The following TMEM132C variants were observed in gnomAD, a reference collection of about 807,000 sequenced individuals.
TMEM132C encodes the protein protein phosphatase 1, regulatory subunit 152.
In TMEM132C, 29 loss-of-function variants were observed where a neutral mutation model predicts 61.4. That is an observed-to-expected ratio of 0.47 (90% CI 0.35 to 0.64). TMEM132C has a LOEUF of 0.64. Among genes scored for constraint, TMEM132C ranks in the 30% least tolerant of loss-of-function variants. TMEM132C has a pLI of 0.00. For missense variants in TMEM132C, 1,408 were observed against 1,476.9 expected (o/e 0.95, Z 0.76); for synonymous variants, 656 against 633.1 (o/e 1.04, Z -0.54).
In TMEM132C at chr12:128,590,487, A is replaced by G. The variant is rs561051497; in HGVS notation, c.1122-25665A>G. On this transcript the variant is annotated intron_variant, in intron 3 of 8. Transcript: ENST00000435159. ...GCAAACTGTGGCGTAACGTAGCTGC[A>G]CAGTCAGAGCCAAGGCTGTGTGAGT... 5.9e-5 allele frequency among the ~76,000 whole-genome samples: 9 copies of G among 152,352 alleles called. No individual in the cohort carries two copies. The South Asian group carries it at 1.7e-3, about 28-fold the overall frequency.
Position 128,705,367 on chromosome 12 carries a change from G to A in TMEM132C, c.2399G>A (p.Gly800Glu). Residue 800 changes from glycine to glutamate, a missense_variant, in exon 9 of 9, where the codon GGA becomes GAA. Physicochemically the swap from Gly to Glu is moderately conservative, Grantham distance 98. Transcript: ENST00000435159. ...GTCGGCAACGTCAGGGTCAAGTTCG[G>A]ACAGAACGATGCTGACTCCAGCCCC... ...VGVGNVRVKF[G>E]QNDADSSPGG... 6.4e-7 allele frequency: 1 copy of A among 1,551,444 alleles called. No individual in the cohort carries two copies. The highest frequency in any genetic ancestry group is 8.7e-7 in the Non-Finnish European group (1 of 1,146,998).
chr12:128,458,863 A>G (rs1375695076), intron 2 of TMEM132C, among the ~76,000 whole-genome samples: 1 of 152,216 alleles, frequency 6.6e-6, no homozygotes, highest in Non-Finnish European at 1.5e-5. Flanking sequence ...TGCCTCTTTC[A>G]CTTCCACCAA....
At chr12:128,318,935 A>G (rs1872236788) in intron 1 of TMEM132C, among the ~76,000 whole-genome samples, 2 of 152,180 alleles carry the variant, frequency 1.3e-5, no homozygotes, top group Admixed American at 1.3e-4. Context: ...CTTTCTTATC[A>G]TGGCAAAAAC....
chr12:128,665,045 A>G (rs1313472044), intron 4 of TMEM132C, among the ~76,000 whole-genome samples: 3 of 151,252 alleles, frequency 2.0e-5, no homozygotes, highest in Non-Finnish European at 4.4e-5. Context: ...ACACTCATAC[A>G]TATACACACA....
At chr12:128,690,139 C>A (rs781055474) in intron 5 of TMEM132C, among the ~76,000 whole-genome samples, 17 of 152,314 alleles carry the variant, frequency 1.1e-4, no homozygotes, top group Admixed American at 6.5e-4. Context: ...GTCCCTGGGT[C>A]CTTACAGGCA....
At chr12:128,545,097 T>C (rs1873901967) in intron 3 of TMEM132C, among the ~76,000 whole-genome samples, 1 of 152,112 alleles carries the variant, frequency 6.6e-6, no homozygotes, top group African/African-American at 2.4e-5. Flanking sequence ...ACCGAATAGG[T>C]CGTTTTTCAG....
At chr12:128,472,020 T>C (rs947016880) in intron 2 of TMEM132C, among the ~76,000 whole-genome samples, 7 of 152,210 alleles carry the variant, frequency 4.6e-5, no homozygotes, top group South Asian at 2.1e-4. Context: ...GGGGGTAGTT[T>C]AGGGTTACGC....
At chr12:128,555,121 A>T (rs995756655) in intron 3 of TMEM132C, among the ~76,000 whole-genome samples, 1 of 152,350 alleles carries the variant, frequency 6.6e-6, no homozygotes, top group East Asian at 1.9e-4. Context: ...TCAGGCAGGT[A>T]ATAAAACGAG....
intron 1 of TMEM132C, among the ~76,000 whole-genome samples, chr12:128,340,801 T>TTCTTTCTTTCTC (rs1433632991): frequency 2.3e-5 from 3 of 128,540 alleles, no homozygotes; most frequent in African/African-American, 7.7e-5. Flanking sequence ...CTCTCTCTCT[T>TTCTTTCTTTCTC]TCTTTCTTTC....
Position 128,367,931 on chromosome 12 carries a change from A to G in TMEM132C, c.86-46801A>G, listed in dbSNP as rs1016224602. Among the ~76,000 whole-genome samples, 51 of 152,212 alleles carry G rather than the reference A, an allele frequency of 3.4e-4. 1 individual carries two copies. The highest frequency in any genetic ancestry group is 1.2e-3 in the African/African-American group (48 of 41,448). ...TATTTGAGGCTTGCATTCTATTTCTATTAGACAGTGGCGGCTGGTCTAGAC... is the reference window on the plus strand; with the variant it reads ...TATTTGAGGCTTGCATTCTATTTCTGTTAGACAGTGGCGGCTGGTCTAGAC... On this transcript the variant is annotated intron_variant, in intron 1 of 8. Coordinates refer to ENST00000435159, the MANE Select transcript of TMEM132C (RefSeq NM_001136103.3).
At chr12:128,598,171 G>A (rs1876039448) in intron 3 of TMEM132C, among the ~76,000 whole-genome samples, 2 of 152,176 alleles carry the variant, frequency 1.3e-5, no homozygotes, top group South Asian at 4.1e-4. Flanking sequence ...AATCCCAGTA[G>A]TTTGGGAGGC....
intron 1 of TMEM132C, among the ~76,000 whole-genome samples, chr12:128,340,047 T>A (rs144114673): frequency 6.6e-6 from 1 of 152,356 alleles, no homozygotes. Context: ...GGGGCTTCTA[T>A]GTCCCTTCCC....
chr12:128,365,540 C>T (rs1311098773), intron 1 of TMEM132C, among the ~76,000 whole-genome samples: 1 of 152,062 alleles, frequency 6.6e-6, no homozygotes. Context: ...ACTTCTTTCC[C>T]GACCAAATTC....
chr12:128,434,394 G>A (rs776962417), intron 2 of TMEM132C, among the ~76,000 whole-genome samples: 17 of 151,754 alleles, frequency 1.1e-4, no homozygotes, highest in South Asian at 4.2e-4. Flanking sequence ...TCTGCCTCCC[G>A]GGTTCAAGAG....
At chr12:128,551,617 G>C (rs1464828371) in intron 3 of TMEM132C, among the ~76,000 whole-genome samples, 1 of 152,228 alleles carries the variant, frequency 6.6e-6, no homozygotes, top group Admixed American at 6.5e-5. Flanking sequence ...AGAGGATCGA[G>C]CATGAAGCAA....
At chr12:128,284,139 T>C (rs1170533383) in intron 1 of TMEM132C, among the ~76,000 whole-genome samples, 4 of 152,200 alleles carry the variant, frequency 2.6e-5, no homozygotes, top group Non-Finnish European at 5.9e-5. Flanking sequence ...TGTACCACCA[T>C]GTACTGACCA....
chr12:128,312,693 G>C (rs940867833), intron 1 of TMEM132C, among the ~76,000 whole-genome samples: 18 of 152,210 alleles, frequency 1.2e-4, no homozygotes, highest in Non-Finnish European at 4.4e-5. Context: ...GACTCGCCCT[G>C]AGAGCATCCA....
chr12:128,285,869 CTCT>C (rs1871049006), intron 1 of TMEM132C, among the ~76,000 whole-genome samples: 2 of 76,092 alleles, frequency 2.6e-5, no homozygotes, highest in African/African-American at 1.7e-4. Context: ...CTCTTTCTCT[CTCT>C]CCCCATCTCT....
At chr12:128,599,933 G>A (rs946451134) in intron 3 of TMEM132C, among the ~76,000 whole-genome samples, 8 of 152,200 alleles carry the variant, frequency 5.3e-5, no homozygotes, top group East Asian at 3.9e-4. Flanking sequence ...TGCTGTTCTC[G>A]TGACAGGGAG....
Sources: gnomAD v4.1 joint callset for allele counts (sites outside exome capture counted in the v4.1 genomes callset) on GRCh38, gnomAD v4.1.1 for gene constraint, MANE v1.5 for transcripts, NCBI Gene and HGNC (gene_info 2026-07-23, HGNC 2026-07-21) for gene names.